The following ARSJ variants were observed in gnomAD, a reference collection of about 807,000 sequenced individuals.
The protein encoded by ARSJ is arylsulfatase J.
ARSJ carries 26 observed loss-of-function variants against 35.9 expected under a neutral mutation model. That is an observed-to-expected ratio of 0.72 (90% CI 0.53 to 1.00). ARSJ has a LOEUF of 1.00. Among genes scored for constraint, ARSJ ranks in the 50% least tolerant of loss-of-function variants. The pLI is 0.00. For synonymous variants in ARSJ, 294 were observed against 267.6 expected (o/e 1.10, Z -0.96); for missense variants, 667 against 723.6 (o/e 0.92, Z 0.90).
At chr4:113,951,996 T>C (rs1170142001) in intron 1 of ARSJ, among the ~76,000 whole-genome samples, 1 of 152,090 alleles carries the variant, frequency 6.6e-6, no homozygotes, top group African/African-American at 2.4e-5. Context: ...CAAGGCTTGT[T>C]GAAACTGAGA....
intron 1 of ARSJ, among the ~76,000 whole-genome samples, chr4:113,956,825 G>T (rs1303826866): frequency 6.6e-6 from 1 of 151,964 alleles, no homozygotes; most frequent in Non-Finnish European, 1.5e-5. Context: ...AAGACTGCAG[G>T]GGCCGGTTTG....
At chr4:113,961,966 C>A (rs11941355) in intron 1 of ARSJ, among the ~76,000 whole-genome samples, 48,176 of 150,924 alleles carry the variant, frequency 0.32, 7,820 homozygotes, top group Admixed American at 0.36. Flanking sequence ...TTGATGCAAT[C>A]AATAGTCTGA....
At chr4:113,924,076 A>AATATATATATATAT (rs1164333093) in intron 1 of ARSJ, among the ~76,000 whole-genome samples, 8 of 95,694 alleles carry the variant, frequency 8.4e-5, no homozygotes, top group East Asian at 2.6e-4. Flanking sequence ...AATATATATA[A>AATATATATATATAT]ATATATATAT....
Position 113,978,750 on chromosome 4 carries a change from C to T in ARSJ, c.85G>A (p.Ala29Thr), listed in dbSNP as rs1186232269. The part of the protein sequence containing the change: ...VCPGKMLAMG[A>T]LAGFWILCLL... ...CAGAGGATCCAGAATCCTGCCAGCGCCCCCATTGCTAGCATCTTTCCAGGA... is the reference window on the plus strand; with the variant it reads ...CAGAGGATCCAGAATCCTGCCAGCGTCCCCATTGCTAGCATCTTTCCAGGA... The change falls in exon 1 of 2, where the codon GCG (alanine) becomes ACG (threonine). Residue 29 changes from alanine (A) to threonine (T), a missense_variant. Ala to Thr is a moderately conservative substitution (Grantham distance 58). Coordinates refer to ENST00000315366, the MANE Select transcript of ARSJ (RefSeq NM_024590.4). 1.7e-5 allele frequency: 28 copies of T among 1,614,124 alleles called. No homozygotes were observed. The highest frequency in any genetic ancestry group is 2.7e-5 in the African/African-American group (2 of 74,954).
intron 1 of ARSJ, chr4:113,946,396 A>G (rs998215802): frequency 1.7e-4 from 26 of 152,088 alleles, no homozygotes; most frequent in African/African-American, 6.3e-4. Flanking sequence ...CGGCATTTTT[A>G]GGTGCATAAA....
intron 1 of ARSJ, among the ~76,000 whole-genome samples, chr4:113,920,664 T>C (rs1354225297): frequency 6.6e-6 from 1 of 152,124 alleles, no homozygotes; most frequent in African/African-American, 2.4e-5. Flanking sequence ...AGGCTGCATG[T>C]CTCTTTGGAG....
chr4:113,919,210 A>G (rs1329118137), intron 1 of ARSJ, among the ~76,000 whole-genome samples: 1 of 152,214 alleles, frequency 6.6e-6, no homozygotes, highest in Non-Finnish European at 1.5e-5. Context: ...AGTTGCAGAA[A>G]GAAGTGACCA....
At position 113,959,078 on chromosome 4, in the gene ARSJ, G is replaced by A. The variant is rs58179605; in HGVS notation, c.398+19359C>T. The stretch of plus-strand genomic sequence containing the variant: ...TTCTTCTTAAAATAGCAATTTAAAA[G>A]CACGATAAAATTTAAATAATAACTA... On this transcript the variant is annotated intron_variant, in intron 1 of 1. Transcript: ENST00000315366. 0.013 allele frequency among the ~76,000 whole-genome samples: 1,940 copies of A among 152,100 alleles called. 105 individuals carry two copies. The East Asian group carries it at 0.15, about 11-fold the overall frequency.
intron 1 of ARSJ, among the ~76,000 whole-genome samples, chr4:113,946,018 T>C (rs1250794551): frequency 1.3e-5 from 2 of 152,048 alleles, no homozygotes; most frequent in East Asian, 3.9e-4. Flanking sequence ...CATTTTTTTT[T>C]TCCTTAAGAA....
rs6834673 is a variant in ARSJ, at chr4:113,916,833, G to T, written c.399-13158C>A. Among the ~76,000 whole-genome samples, 1,041 of 152,140 alleles carry T rather than the reference G, an allele frequency of 6.8e-3. 10 individuals carry two copies. The highest frequency in any genetic ancestry group is 0.014 in the Middle Eastern group (4 of 294). On this transcript the variant is annotated intron_variant, in intron 1 of 1. Coordinates refer to ENST00000315366, the MANE Select transcript of ARSJ (RefSeq NM_024590.4). The stretch of plus-strand genomic sequence containing the variant: ...AAAGAAATAATTCACAGTGCTCTAT[G>T]GGGAGACACATGTTACCTTGCCAAT...
At chr4:113,961,576 TG>T (rs1357823240) in intron 1 of ARSJ, among the ~76,000 whole-genome samples, 1 of 152,102 alleles carries the variant, frequency 6.6e-6, no homozygotes, top group Non-Finnish European at 1.5e-5. Flanking sequence ...TTATGCAGGT[TG>T]GCCCATAAAC....
At chr4:113,937,313 G>C (rs1179465491) in intron 1 of ARSJ, among the ~76,000 whole-genome samples, 1 of 151,936 alleles carries the variant, frequency 6.6e-6, no homozygotes, top group Non-Finnish European at 1.5e-5. Flanking sequence ...ATTAGATCCT[G>C]CTGGATCAAA....
intron 1 of ARSJ, among the ~76,000 whole-genome samples, chr4:113,957,472 A>G (rs76994870): frequency 0.015 from 2,227 of 152,226 alleles, 57 homozygotes; most frequent in African/African-American, 0.049. Flanking sequence ...AAAAATGGAA[A>G]TAAGTCTTTA....
At chr4:113,968,690 C>T (rs1390318379) in intron 1 of ARSJ, among the ~76,000 whole-genome samples, 1 of 152,164 alleles carries the variant, frequency 6.6e-6, no homozygotes, top group Non-Finnish European at 1.5e-5. Flanking sequence ...TGCAACAGAA[C>T]TTTGGCAGAG....
In ARSJ at chr4:113,924,109, A is replaced by T. The variant is rs1238738488; in HGVS notation, c.399-20434T>A. On this transcript the variant is annotated intron_variant, in intron 1 of 1. Transcript: ENST00000315366. ...TATATATATATATATATATATATAT[A>T]TATATATATATAAAGGGGAGTTTAT... Among the ~76,000 whole-genome samples, 3 of 136,506 alleles carry T rather than the reference A, an allele frequency of 2.2e-5. No individual in the cohort carries two copies. The East Asian group carries it at 6.3e-4, about 28-fold the overall frequency. 89.6% of individuals were successfully genotyped at this position (136,506 alleles called of 152,430 possible). A position where few individuals can be genotyped will look rare whatever the true frequency, so the allele number is the denominator to read the frequency against.
intron 1 of ARSJ, among the ~76,000 whole-genome samples, chr4:113,911,688 G>A (rs1446913726): frequency 2.0e-5 from 3 of 152,116 alleles, no homozygotes; most frequent in Non-Finnish European, 4.4e-5. Flanking sequence ...CCAGAAAAGG[G>A]ATAGGAATAA....
In ARSJ at chr4:113,903,566, A is replaced by C; in HGVS notation, c.508T>G (p.Ser170Ala). 3 of 1,614,210 alleles carry C rather than the reference A, an allele frequency of 1.9e-6. No homozygotes were observed. Among genetic ancestry groups the C allele is most frequent in the Non-Finnish European group, 2.5e-6 (3 of 1,180,034 alleles). ...LPQKLKEVGY[S>A]THMVGKWHLG... ...TGCCATTTTCCGACCATATGCGTTG[A>C]ATATCCAACCTCCTTCAGTTTCTGA... The change falls in exon 2 of 2, where the codon TCA becomes GCA. Residue 170 changes from serine (S) to alanine (A), a missense_variant. Physicochemically the swap from Ser to Ala is moderately conservative, Grantham distance 99. Transcript: ENST00000315366.
intron 1 of ARSJ, among the ~76,000 whole-genome samples, chr4:113,927,791 T>A (rs1296353477): frequency 1.3e-5 from 2 of 152,156 alleles, no homozygotes; most frequent in Admixed American, 1.3e-4. Flanking sequence ...AATGGGGATG[T>A]GGTGGGAATC....
At chr4:113,947,870 C>A (rs1725597782) in intron 1 of ARSJ, among the ~76,000 whole-genome samples, 1 of 151,838 alleles carries the variant, frequency 6.6e-6, no homozygotes, top group South Asian at 2.1e-4. Flanking sequence ...ACGGCATTTT[C>A]AAAAGTAAGC....
Sources: allele counts gnomAD v4.1 joint callset (sites outside exome capture counted in the v4.1 genomes callset), GRCh38; gene constraint gnomAD v4.1.1; transcripts MANE v1.5; gene names NCBI Gene and HGNC (gene_info 2026-07-23, HGNC 2026-07-21).